CARM1: variants seen among roughly 807,000 people sequenced by gnomAD.
The protein encoded by CARM1 is coactivator associated arginine methyltransferase 1.
A neutral mutation model predicts 72.7 loss-of-function variants in CARM1; 14 were observed. The observed-to-expected ratio is 0.19, with a 90% confidence interval of 0.13 to 0.30. The LOEUF (loss-of-function observed/expected upper bound fraction) is 0.30. CARM1 is among the 10% of genes least tolerant of loss of function. The pLI, the probability that CARM1 is intolerant of heterozygous loss-of-function variation, is 1.00. For missense variants in CARM1, 432 were observed against 833.7 expected (o/e 0.52, Z 5.93); for synonymous variants, 333 against 345.5 (o/e 0.96, Z 0.40).
intron 1 of CARM1, among the ~76,000 whole-genome samples, chr19:10,875,142 A>C (rs2073853213): frequency 6.6e-6 from 1 of 151,982 alleles, no homozygotes; most frequent in African/African-American, 2.4e-5. Flanking sequence ...ACAGGAATGG[A>C]TTCTCTCTCA....
chr19:10,881,407 A>C (rs1219800424), intron 1 of CARM1, among the ~76,000 whole-genome samples: 1 of 152,168 alleles, frequency 6.6e-6, no homozygotes, highest in African/African-American at 2.4e-5. Flanking sequence ...TGGGGAGTGG[A>C]GTCTGCCCTG....
At chr19:10,910,939 G>A (rs2074145563) in intron 4 of CARM1, among the ~76,000 whole-genome samples, 1 of 152,062 alleles carries the variant, frequency 6.6e-6, no homozygotes, top group Admixed American at 6.6e-5. Context: ...CACCCAGGCT[G>A]GAATGCAGTG....
At chr19:10,917,195 AG>A (rs1438714966) in intron 8 of CARM1, among the ~76,000 whole-genome samples, 4 of 152,210 alleles carry the variant, frequency 2.6e-5, no homozygotes, top group Non-Finnish European at 5.9e-5. Context: ...AAAAATCAAA[AG>A]GAAAAAAAAG....
rs753316458 is a variant in CARM1, at chr19:10,913,975, G to A, written c.768G>A (p.Ser256=). ...CCGAGCAGGTGGACATCATCATCTC[G>A]GAGCCCATGGGCTACATGCTCTTCA... The part of the protein sequence containing the change: ...SLPEQVDIII[S]EPMGYMLFNE... The change falls in exon 6 of 16, where the codon TCG becomes TCA. Residue 256 remains serine, a synonymous_variant. Coordinates refer to ENST00000327064, the MANE Select transcript of CARM1 (RefSeq NM_199141.2). 6.8e-6 allele frequency: 11 copies of A among 1,613,666 alleles called. No homozygotes were observed. Among genetic ancestry groups the A allele is most frequent in the Middle Eastern group, 1.6e-4 (1 of 6,082 alleles).
intron 1 of CARM1, among the ~76,000 whole-genome samples, chr19:10,882,201 G>A (rs747989632): frequency 2.6e-5 from 4 of 152,170 alleles, no homozygotes; most frequent in African/African-American, 4.8e-5. Context: ...TTAAAATAGC[G>A]TCTGGCACTG....
intron 8 of CARM1, among the ~76,000 whole-genome samples, chr19:10,917,566 T>C (rs1171742975): frequency 1.3e-5 from 2 of 152,172 alleles, no homozygotes; most frequent in Non-Finnish European, 2.9e-5. Context: ...TGGACTATCT[T>C]GGATACTATC....
intron 1 of CARM1, among the ~76,000 whole-genome samples, chr19:10,885,815 G>C (rs2073936641): frequency 6.6e-6 from 1 of 151,234 alleles, no homozygotes. Context: ...TCTTACTCCC[G>C]CTCACACACT....
In CARM1 at chr19:10,871,888, C is replaced by A; in HGVS notation, c.186C>A (p.Ala62=). The stretch of plus-strand genomic sequence containing the variant: ...AGGCGCTGCGCCTCGAGGTGCGCGC[C>A]GGCCCGGACTCGGCGGGCATCGCCC... ...EQQALRLEVR[A]GPDSAGIALY... is the part of the protein sequence containing the mutation. Residue 62 remains alanine, a synonymous_variant, in exon 1 of 16, where the codon GCC becomes GCA. Transcript: ENST00000327064. The surrounding 1 kb of genome is among the most constrained non-coding windows in gnomAD (Gnocchi z 5.6). 8.1e-7 allele frequency: 1 copy of A among 1,241,782 alleles called. No homozygotes were observed. The highest frequency in any genetic ancestry group is 2.6e-5 in the South Asian group (1 of 38,378). 76.9% of individuals were successfully genotyped at this position (1,241,782 alleles called of 1,614,324 possible).
chr19:10,889,315 A>ATT (rs1229574072), intron 1 of CARM1, among the ~76,000 whole-genome samples: 2 of 138,554 alleles, frequency 1.4e-5, no homozygotes, highest in Admixed American at 7.3e-5. Flanking sequence ...CAATTTGAGA[A>ATT]TTTTTTTTTT....
At chr19:10,894,052 G>A (rs889371491) in intron 1 of CARM1, among the ~76,000 whole-genome samples, 2 of 152,230 alleles carry the variant, frequency 1.3e-5, no homozygotes, top group Admixed American at 1.3e-4. Flanking sequence ...TCCCAGTTTG[G>A]AAACAAGGTC....
chr19:10,907,244 C>G (rs1324829736), intron 2 of CARM1, among the ~76,000 whole-genome samples: 1 of 151,456 alleles, frequency 6.6e-6, no homozygotes, highest in Non-Finnish European at 1.5e-5. Flanking sequence ...GCTATGTTGC[C>G]CAGGCTGGCC....
chr19:10,896,344 G>C lies in CARM1; in HGVS notation c.221-8607G>C, dbSNP rs1246953699. Among the ~76,000 whole-genome samples, 1 of 152,064 alleles carries C rather than the reference G, an allele frequency of 6.6e-6. No homozygotes were observed. Among genetic ancestry groups the C allele is most frequent in the Non-Finnish European group, 1.5e-5 (1 of 67,990 alleles). On this transcript the variant is annotated intron_variant, in intron 1 of 15. Coordinates refer to ENST00000327064, the MANE Select transcript of CARM1 (RefSeq NM_199141.2). The surrounding 1 kb of genome is among the most constrained non-coding windows in gnomAD (Gnocchi z 5.2). ...ACCTTAGAGTCCCCCAGATTCTGCT[G>C]CCCTGGGGGGCCAATAAGGAGGGGA...
In CARM1 at chr19:10,919,582, T is replaced by C. The variant is rs1889867061; in HGVS notation, c.1021-13T>C. ...GGCGTCAGATGCCACGTCACACCTG[T>C]GGTCTCTCCCAGGACACATTTGACA... On this transcript the variant is annotated splice_polypyrimidine_tract_variant and intron_variant, in intron 8 of 15. Transcript: ENST00000327064. 1 of 1,603,032 alleles carries C rather than the reference T, an allele frequency of 6.2e-7. No homozygotes were observed. The highest frequency in any genetic ancestry group is 1.3e-5 in the African/African-American group (1 of 74,710).
intron 1 of CARM1, among the ~76,000 whole-genome samples, chr19:10,892,743 A>AT (rs2073996905): frequency 6.6e-6 from 1 of 151,966 alleles, no homozygotes; most frequent in Non-Finnish European, 1.5e-5. Flanking sequence ...ATATTATTTT[A>AT]TTTTTTGAGG....
At chr19:10,917,082 AAAAAT>A (rs2074203504) in intron 8 of CARM1, among the ~76,000 whole-genome samples, 3 of 152,054 alleles carry the variant, frequency 2.0e-5, no homozygotes, top group African/African-American at 7.2e-5. Context: ...AATAAATAAT[AAAAAT>A]AAAAAAGAAC....
Position 10,921,733 on chromosome 19 carries a change from C to T in CARM1, c.1803C>T (p.Thr601=), listed in dbSNP as rs2145252155. ...TGGCGTCGCCCATGTCCATCCCGACCAACACCATGCACTACGGGAGCTAGG... is the reference window on the plus strand; with the variant it reads ...TGGCGTCGCCCATGTCCATCCCGACTAACACCATGCACTACGGGAGCTAGG... ...ISMASPMSIP[T]NTMHYGS The change falls in exon 16 of 16, where the codon ACC becomes ACT. Residue 601 remains threonine, a synonymous_variant. Transcript: ENST00000327064. The T allele has an allele frequency of 6.2e-7, 1 of 1,610,430 alleles. No individual in the cohort carries two copies. The highest frequency in any genetic ancestry group is 8.5e-7 in the Non-Finnish European group (1 of 1,177,762).
rs1453485857 is a variant in CARM1 at position 10,884,026 on chromosome 19, TTTTTCG to T, written c.220+12109_220+12114del. 2.4e-3 allele frequency among the ~76,000 whole-genome samples: 351 copies of T among 145,126 alleles called. 3 individuals are homozygous for T. Among genetic ancestry groups the T allele is most frequent in the African/African-American group, 8.7e-3 (338 of 38,866 alleles). On this transcript the variant is annotated intron_variant, in intron 1 of 15. Transcript: ENST00000327064. Reference sequence around the variant, plus strand: ...GAGCGAGACTCTGTTTTTTTTTTTTTTTTTCGTTTTTTGTTTTTTGTTTTTTTAATT... The same window carrying T: ...GAGCGAGACTCTGTTTTTTTTTTTTTTTTTTTGTTTTTTGTTTTTTTAATT...
At chr19:10,885,117 A>G (rs1223818968) in intron 1 of CARM1, among the ~76,000 whole-genome samples, 1 of 152,210 alleles carries the variant, frequency 6.6e-6, no homozygotes, top group Non-Finnish European at 1.5e-5. Context: ...CCAAAGCCAG[A>G]CATGGAACTT....
chr19:10,879,905 G>A (rs1030686087), intron 1 of CARM1, among the ~76,000 whole-genome samples: 45 of 152,248 alleles, frequency 3.0e-4, no homozygotes, highest in African/African-American at 9.1e-4. Flanking sequence ...ATGAGTCACC[G>A]CACCCAGCCT....
Sources: gnomAD v4.1 joint callset for allele counts (sites outside exome capture counted in the v4.1 genomes callset) on GRCh38, gnomAD v4.1.1 for gene constraint, Gnocchi (gnomAD v3.1) non-coding constraint, MANE v1.5 for transcripts, NCBI Gene and HGNC (gene_info 2026-07-23, HGNC 2026-07-21) for gene names.